IGSF5: variants seen among roughly 807,000 people sequenced by gnomAD.
IGSF5 encodes immunoglobulin superfamily member 5.
In IGSF5, 41 loss-of-function variants were observed where a neutral mutation model predicts 39.4. The observed-to-expected ratio is 1.04, with a 90% CI of 0.81 to 1.35. The LOEUF (loss-of-function observed/expected upper bound fraction) is 1.35. Among genes scored for constraint, IGSF5 ranks in the 40% most tolerant of loss-of-function variants. The pLI is 0.00. For missense variants in IGSF5, 487 were observed against 494.6 expected (o/e 0.98, Z 0.15); for synonymous variants, 183 against 175.3 (o/e 1.04, Z -0.34).
At chr21:39,744,464 C>CA (rs1352669987), upstream of IGSF5, among the ~76,000 whole-genome samples, 1 of 152,228 alleles carries the variant, frequency 6.6e-6, no homozygotes, top group East Asian at 1.9e-4. Context: ...AATTATTAGG[C>CA]AATTTTTCTA....
chr21:39,750,187 C>T (rs2079998002), intron 2 of IGSF5, among the ~76,000 whole-genome samples: 1 of 152,228 alleles, frequency 6.6e-6, no homozygotes, highest in African/African-American at 2.4e-5. Flanking sequence ...TTTCCTTTCA[C>T]ACCTTCAACT....
intron 2 of IGSF5, 88 bp downstream of exon 2, chr21:39,746,386 A>C: frequency 1.6e-6 from 1 of 630,350 alleles, no homozygotes; most frequent in South Asian, 1.8e-5. Flanking sequence ...GAGTGAAAAC[A>C]GAGCTCCCAT....
intron 3 of IGSF5, 23 bp downstream of exon 3, chr21:39,765,875 A>C: frequency 6.3e-7 from 1 of 1,597,962 alleles, no homozygotes; most frequent in Non-Finnish European, 8.6e-7. Flanking sequence ...GTGGCTTCTG[A>C]AGTCCATCAG....
chr21:39,743,823 G>A (rs189998754), upstream of IGSF5, among the ~76,000 whole-genome samples: 609 of 152,270 alleles, frequency 4.0e-3, 3 homozygotes, highest in African/African-American at 0.013. Flanking sequence ...TCCCTCAGGA[G>A]GCCAGCTTTC....
chr21:39,741,155 G>T (rs2146265646), upstream of IGSF5, among the ~76,000 whole-genome samples: 1 of 152,240 alleles, frequency 6.6e-6, no homozygotes, highest in Non-Finnish European at 1.5e-5. Flanking sequence ...CCGTTAGCAA[G>T]CTTAGCACTG....
intron 6 of IGSF5, among the ~76,000 whole-genome samples, chr21:39,791,056 A>G (rs2086961497): frequency 6.6e-6 from 1 of 152,222 alleles, no homozygotes; most frequent in African/African-American, 2.4e-5. Flanking sequence ...TCCTGGAATC[A>G]ATCTCTAACA....
At chr21:39,754,269 T>C (rs186517200) in intron 2 of IGSF5, among the ~76,000 whole-genome samples, 2 of 152,336 alleles carry the variant, frequency 1.3e-5, no homozygotes, top group Non-Finnish European at 2.9e-5. Context: ...GGGTATAAGA[T>C]TCTTGACTGA....
At chr21:39,716,096 G>A in the IGSF5 span, among the ~76,000 whole-genome samples, 138 of 152,298 alleles carry the variant, frequency 9.1e-4, 1 homozygote, top group South Asian at 9.5e-3. Context: ...GTGTCAGGAG[G>A]GTCGTGCACT....
chr21:39,787,552 G>T (rs1328435328), intron 5 of IGSF5, among the ~76,000 whole-genome samples: 169 of 119,836 alleles, frequency 1.4e-3, no homozygotes, highest in South Asian at 3.8e-3. Flanking sequence ...TAATGACAGT[G>T]TTTTTTTTTT....
the IGSF5 span, among the ~76,000 whole-genome samples, chr21:39,720,153 C>T: frequency 6.6e-6 from 1 of 152,138 alleles, no homozygotes; most frequent in Non-Finnish European, 1.5e-5. Context: ...AACTGTTCCA[C>T]CTCAGATCAT....
the IGSF5 span, among the ~76,000 whole-genome samples, chr21:39,726,574 C>T: frequency 2.6e-5 from 4 of 152,198 alleles, no homozygotes; most frequent in Admixed American, 6.5e-5. Context: ...GCATGCCCCT[C>T]ACCAAGGCTG....
intron 8 of IGSF5, among the ~76,000 whole-genome samples, chr21:39,800,708 G>A (rs2087023966): frequency 1.3e-5 from 2 of 152,234 alleles, no homozygotes. Flanking sequence ...CAGGAAAAAA[G>A]TGTTGCACAC....
chr21:39,767,215 A>T (rs1224850865), intron 3 of IGSF5, among the ~76,000 whole-genome samples: 2 of 152,232 alleles, frequency 1.3e-5, no homozygotes, highest in Non-Finnish European at 2.9e-5. Flanking sequence ...TCAGTTATCT[A>T]TCAGAGAGAC....
At chr21:39,719,535 C>T in the IGSF5 span, among the ~76,000 whole-genome samples, 5 of 152,044 alleles carry the variant, frequency 3.3e-5, no homozygotes, top group Admixed American at 2.0e-4. Context: ...TCTTTGCCAG[C>T]GTGGTGGCAG....
Position 39,788,207 on chromosome 21 carries a change from C to G in IGSF5, c.956+19C>G, listed in dbSNP as rs9983347. The G allele has an allele frequency of 5.0e-3, 7,897 of 1,566,610 alleles. 31 individuals carry two copies. Among genetic ancestry groups the G allele is most frequent in the Middle Eastern group, 7.7e-3 (46 of 5,958 alleles). ...TTCAAAAGTAAGTTTGAAACCACAT[C>G]TATTTTCTGAAAACAAAACAAAAAA... On this transcript the variant is annotated intron_variant, in intron 6 of 8. Transcript: ENST00000380588.
At chr21:39,749,237 G>A (rs111847998) in intron 2 of IGSF5, among the ~76,000 whole-genome samples, 17,633 of 143,220 alleles carry the variant, frequency 0.12, 1,093 homozygotes, top group Middle Eastern at 0.2. Flanking sequence ...TTTTGAAACA[G>A]AATCTCGCCA....
At chr21:39,753,411 T>G (rs2080014945) in intron 2 of IGSF5, among the ~76,000 whole-genome samples, 1 of 152,222 alleles carries the variant, frequency 6.6e-6, no homozygotes, top group Admixed American at 6.5e-5. Flanking sequence ...TAGTATAATT[T>G]GAAGTCAGGT....
chr21:39,754,683 C>G (rs7275881), intron 2 of IGSF5, among the ~76,000 whole-genome samples: 16,379 of 152,132 alleles, frequency 0.11, 2,872 homozygotes, highest in African/African-American at 0.37. Flanking sequence ...GATTTTTCAA[C>G]TAAGTGTAGG....
chr21:39,754,994 T>C (rs1244192723), intron 2 of IGSF5, among the ~76,000 whole-genome samples: 1 of 152,160 alleles, frequency 6.6e-6, no homozygotes, highest in African/African-American at 2.4e-5. Flanking sequence ...CATACAGAGA[T>C]GAAATGTGGA....
Sources: gnomAD v4.1 joint callset for allele counts (sites outside exome capture counted in the v4.1 genomes callset) on GRCh38, gnomAD v4.1.1 for gene constraint, MANE v1.5 for transcripts, NCBI Gene and HGNC (gene_info 2026-07-23, HGNC 2026-07-21) for gene names.